The following STK4 variants were observed in gnomAD, a reference collection of about 807,000 sequenced individuals.
STK4 encodes the protein serine/threonine kinase 4, also known as serine/threonine-protein kinase 4.
A neutral mutation model predicts 64.9 loss-of-function variants in STK4; 30 were observed. The ratio of observed to expected loss-of-function variants is 0.46; its 90% CI spans 0.35 to 0.63. STK4 has a LOEUF of 0.63. STK4 is among the 20% of genes least tolerant of loss of function. The pLI is 0.01. For missense variants in STK4, 466 were observed against 598.5 expected (o/e 0.78, Z 2.31); for synonymous variants, 177 against 199.0 (o/e 0.89, Z 0.93).
intron 6 of STK4, among the ~76,000 whole-genome samples, chr20:44,996,823 T>G (rs1333272114): frequency 6.6e-6 from 1 of 152,116 alleles, no homozygotes; most frequent in Non-Finnish European, 1.5e-5. Context: ...TTGACAACTA[T>G]GGGGTCAAGG....
chr20:45,026,346 T>TGTGC (rs1555817287), intron 10 of STK4, among the ~76,000 whole-genome samples: 15 of 150,798 alleles, frequency 9.9e-5, no homozygotes, highest in African/African-American at 3.7e-4. Flanking sequence ...TGTGTGTGTG[T>TGTGC]GTGCATAGTT....
Position 45,078,144 on chromosome 20 carries a change from T to C in STK4, c.*2968T>C, listed in dbSNP as rs1980655457. Reference sequence around the variant, plus strand: ...TGAGGTCCTCGCTTGTTCTCTGCCTTCAAGAAACAATGACCTGATTCTGTC... The same window carrying C: ...TGAGGTCCTCGCTTGTTCTCTGCCTCCAAGAAACAATGACCTGATTCTGTC... On this transcript the variant is annotated 3_prime_UTR_variant, in exon 11 of 11. Transcript: ENST00000372806. 6.6e-6 allele frequency: 1 copy of C among 151,862 alleles called. No individual in the cohort carries two copies. Among genetic ancestry groups the C allele is most frequent in the African/African-American group, 2.4e-5 (1 of 41,350 alleles). 9.4% of individuals were successfully genotyped at this position (151,862 alleles called of 1,614,324 possible). A position where few individuals can be genotyped will look rare whatever the true frequency, so the allele number is the denominator to read the frequency against.
At chr20:45,018,777 C>T (rs2068190240) in intron 9 of STK4, among the ~76,000 whole-genome samples, 1 of 147,700 alleles carries the variant, frequency 6.8e-6, no homozygotes, top group Admixed American at 6.8e-5. Context: ...GTTGCCCAGG[C>T]TGAAGTGCAG....
At chr20:45,073,238 A>G (rs1354535738) in intron 10 of STK4, among the ~76,000 whole-genome samples, 4 of 152,138 alleles carry the variant, frequency 2.6e-5, no homozygotes, top group African/African-American at 9.7e-5. Flanking sequence ...GGTAGTATAA[A>G]ACCACAGGCT....
At chr20:44,997,416 G>A in intron 7 of STK4, 110 bp downstream of exon 7, 1 of 1,372,000 alleles carries the variant, frequency 7.3e-7, no homozygotes, top group Non-Finnish European at 9.8e-7. Flanking sequence ...GGCAGGCTGG[G>A]TGCAGTGGCT....
chr20:45,041,532 T>C (rs1028568987), intron 10 of STK4, among the ~76,000 whole-genome samples: 2 of 152,218 alleles, frequency 1.3e-5, no homozygotes, highest in Admixed American at 6.5e-5. Flanking sequence ...CCTCTGATGA[T>C]ACACATTTAG....
At chr20:44,971,521 TTA>T (rs1236453262) in intron 1 of STK4, among the ~76,000 whole-genome samples, 1 of 152,216 alleles carries the variant, frequency 6.6e-6, no homozygotes, top group African/African-American at 2.4e-5. Context: ...CAATTCATAG[TTA>T]TGTTTCAATT....
intron 9 of STK4, among the ~76,000 whole-genome samples, chr20:45,005,669 A>G (rs6031929): frequency 6.7e-6 from 1 of 149,040 alleles, no homozygotes; most frequent in Admixed American, 6.7e-5. Context: ...AAAAAAAAAC[A>G]AAACGTTAGC....
At chr20:45,020,806 A>G (rs1442932982) in intron 9 of STK4, among the ~76,000 whole-genome samples, 2 of 146,146 alleles carry the variant, frequency 1.4e-5, no homozygotes, top group African/African-American at 2.5e-5. Context: ...TTATAGTAAA[A>G]TATACAAGAC....
intron 9 of STK4, among the ~76,000 whole-genome samples, chr20:45,021,527 G>A (rs1442449875): frequency 6.6e-6 from 1 of 152,172 alleles, no homozygotes; most frequent in African/African-American, 2.4e-5. Flanking sequence ...GTTTTTGAAT[G>A]TCTGCTGTTT....
intron 10 of STK4, among the ~76,000 whole-genome samples, chr20:45,026,128 G>GT (rs33913833): frequency 0.21 from 26,714 of 128,946 alleles, 3,213 homozygotes; most frequent in African/African-American, 0.32. Context: ...TTATCCAGTG[G>GT]TTTTTTTTTT....
rs1426502566 is a variant in STK4 at position 44,983,188 on chromosome 20, G to A, written c.360+1245G>A. Among the ~76,000 whole-genome samples the A allele has an allele frequency of 4.6e-5, 7 of 152,212 alleles. No homozygotes were observed. The East Asian group carries it at 1.3e-3, about 29-fold the overall frequency. Reference sequence around the variant, plus strand: ...GAGATGAGGTTTGACAGGTGGGCAGGGCTAGATTGTATTGGATATTGCAGG... The same window carrying A: ...GAGATGAGGTTTGACAGGTGGGCAGAGCTAGATTGTATTGGATATTGCAGG... On this transcript the variant is annotated intron_variant, in intron 4 of 10. Coordinates refer to ENST00000372806, the MANE Select transcript of STK4 (RefSeq NM_006282.5).
chr20:45,012,039 AT>A (rs1295816943), intron 9 of STK4, among the ~76,000 whole-genome samples: 333 of 142,074 alleles, frequency 2.3e-3, no homozygotes, highest in Middle Eastern at 3.6e-3. Flanking sequence ...TCCGATACAA[AT>A]TTTTTTTTTT....
chr20:45,045,646 A>G (rs972402847), intron 10 of STK4, among the ~76,000 whole-genome samples: 5 of 152,180 alleles, frequency 3.3e-5, no homozygotes, highest in African/African-American at 9.7e-5. Context: ...TGAGAACACA[A>G]TGCAGATTGA....
At chr20:45,056,756 A>G (rs1978514826) in intron 10 of STK4, among the ~76,000 whole-genome samples, 1 of 152,230 alleles carries the variant, frequency 6.6e-6, no homozygotes, top group African/African-American at 2.4e-5. Flanking sequence ...AATTTAATAT[A>G]ATAAGTATTA....
At chr20:45,010,893 T>C (rs1033886261) in intron 9 of STK4, among the ~76,000 whole-genome samples, 1 of 152,210 alleles carries the variant, frequency 6.6e-6, no homozygotes, top group African/African-American at 2.4e-5. Flanking sequence ...GCTAATGATA[T>C]TGTTACCTCT....
rs1333761225 is a variant in STK4 at position 45,077,712 on chromosome 20, T to G, written c.*2536T>G. ...TCTCTTTCTTTTTTAAACAAAGAAC[T>G]TTGCACTTGGCCAGAGAGGAGGAGA... On this transcript the variant is annotated 3_prime_UTR_variant, in exon 11 of 11. Coordinates refer to ENST00000372806, the MANE Select transcript of STK4 (RefSeq NM_006282.5). 1 of 152,176 alleles carries G rather than the reference T, an allele frequency of 6.6e-6. No individual in the cohort carries two copies. Among genetic ancestry groups the G allele is most frequent in the Non-Finnish European group, 1.5e-5 (1 of 68,040 alleles). 9.4% of individuals were successfully genotyped at this position (152,176 alleles called of 1,614,324 possible). A position where few individuals can be genotyped will look rare whatever the true frequency, so the allele number is the denominator to read the frequency against.
intron 5 of STK4, among the ~76,000 whole-genome samples, chr20:44,989,606 TTC>T (rs1200455444): frequency 1.3e-5 from 2 of 152,174 alleles, no homozygotes; most frequent in East Asian, 3.8e-4. Flanking sequence ...CGTGTCCAGT[TTC>T]TTTTTTCTTT....
intron 5 of STK4, among the ~76,000 whole-genome samples, chr20:44,987,709 C>G (rs1156961633): frequency 6.6e-6 from 1 of 151,658 alleles, no homozygotes. Flanking sequence ...CGTTTGAGTC[C>G]AGGATACAGT....
Sources: gnomAD v4.1 joint callset for allele counts (sites outside exome capture counted in the v4.1 genomes callset) on GRCh38, gnomAD v4.1.1 for gene constraint, MANE v1.5 for transcripts, NCBI Gene and HGNC (gene_info 2026-07-23, HGNC 2026-07-21) for gene names.